LUC7L: variants seen among roughly 807,000 people sequenced by gnomAD.
The protein encoded by LUC7L is putative RNA-binding protein Luc7-like 1.
In LUC7L, 29 loss-of-function variants were observed where a neutral mutation model predicts 51.1. That is an observed-to-expected ratio of 0.57 (90% CI 0.42 to 0.77). The LOEUF is 0.77. Among genes scored for constraint, LUC7L ranks in the 30% least tolerant of loss-of-function variants. The probability of loss-of-function intolerance (pLI) is 0.00; values close to 1 mark genes in which losing one functional copy is unlikely to be tolerated. For missense variants in LUC7L, 403 were observed against 511.9 expected (o/e 0.79, Z 2.05); for synonymous variants, 181 against 180.7 (o/e 1.00, Z -0.01).
intron 3 of LUC7L, among the ~76,000 whole-genome samples, chr16:212,247 C>T (rs893173638): frequency 2.0e-5 from 3 of 152,130 alleles, no homozygotes; most frequent in Admixed American, 6.6e-5. Context: ...GAGCTGAGAT[C>T]GTGCCATTGC....
Position 229,279 on chromosome 16 carries a change from C to A in LUC7L, c.61G>T (p.Gly21Ter). Residue 21 changes from glycine (G) to a stop codon, truncating the protein, a stop_gained and splice_region_variant, in exon 1 of 10, where the codon GGA (glycine) becomes TGA (stop). Transcript: ENST00000293872. LOFTEE classifies it high-confidence loss of function. ...LDQLMGTARD[G>*]DETRQRVKFT... The stretch of plus-strand genomic sequence containing the variant: ...CGCCTGGTTGGCCGCTCTGACTCAC[C>A]GTCCCGAGCCGTGCCCATGAGCTGG... 1 of 1,536,390 alleles carries A rather than the reference C, an allele frequency of 6.5e-7. No individual in the cohort carries two copies. The highest frequency in any genetic ancestry group is 8.7e-7 in the Non-Finnish European group (1 of 1,148,858).
chr16:214,963 C>T (rs1249054691), intron 3 of LUC7L, among the ~76,000 whole-genome samples: 3 of 151,880 alleles, frequency 2.0e-5, no homozygotes, highest in Non-Finnish European at 4.4e-5. Context: ...CCCAGAACTT[C>T]GAAGACTGAA....
At chr16:228,527 A>C (rs1009043711) in intron 1 of LUC7L, 5 of 1,214,022 alleles carry the variant, frequency 4.1e-6, no homozygotes, top group Admixed American at 7.1e-5. Flanking sequence ...TATGAAATAA[A>C]GTGCAAATAA....
chr16:193,607 C>T (rs2049071030), intron 6 of LUC7L, among the ~76,000 whole-genome samples: 1 of 152,042 alleles, frequency 6.6e-6, no homozygotes. Flanking sequence ...AGCGATTCTT[C>T]TGCCTCAGCC....
chr16:221,186 ATTTTTTTTTTTTTT>A (rs372906826), intron 2 of LUC7L, among the ~76,000 whole-genome samples: 44 of 101,252 alleles, frequency 4.3e-4, no homozygotes, highest in Non-Finnish European at 5.8e-4. Context: ...CACCCAGCTA[ATTTTTTTTTTTTTT>A]TTTTTTTTTT....
At chr16:220,800 G>T in intron 2 of LUC7L, 53 bp from the exon 3 acceptor site, 1 of 1,151,348 alleles carries the variant, frequency 8.7e-7, no homozygotes, top group Non-Finnish European at 1.3e-6. Flanking sequence ...ACTGTAGAAA[G>T]CACACAACGC....
chr16:228,557 G>T, intron 1 of LUC7L: 1 of 1,198,482 alleles, frequency 8.3e-7, no homozygotes, highest in Non-Finnish European at 1.1e-6. Flanking sequence ...CCCTGAGAAT[G>T]TGCCAGTGTG....
At chr16:193,677 T>C (rs2142040396) in intron 6 of LUC7L, among the ~76,000 whole-genome samples, 1 of 152,056 alleles carries the variant, frequency 6.6e-6, no homozygotes, top group South Asian at 2.1e-4. Flanking sequence ...GTATGTTTAG[T>C]AGAGACGGGG....
chr16:209,853 A>T (rs2142081593), intron 3 of LUC7L: 1 of 152,312 alleles, frequency 6.6e-6, no homozygotes, highest in South Asian at 2.1e-4. Flanking sequence ...TTTCAAAAAC[A>T]TGCATACTTG....
At chr16:219,806 T>C (rs755605510) in intron 3 of LUC7L, among the ~76,000 whole-genome samples, 8 of 151,834 alleles carry the variant, frequency 5.3e-5, no homozygotes, top group African/African-American at 1.2e-4. Flanking sequence ...GAGGAGTAGG[T>C]TGCAGTGAGC....
At chr16:204,721 G>A (rs1470125881) in intron 5 of LUC7L, among the ~76,000 whole-genome samples, 2 of 152,122 alleles carry the variant, frequency 1.3e-5, no homozygotes, top group East Asian at 3.8e-4. Context: ...GTCTGAAATG[G>A]TAGCAACTGC....
chr16:228,835 C>G (rs757576725), intron 1 of LUC7L: 3 of 1,293,486 alleles, frequency 2.3e-6, no homozygotes, highest in Non-Finnish European at 3.0e-6. Context: ...GGTACAGAAC[C>G]AGAGCGGGCC....
At position 189,976 on chromosome 16, in the gene LUC7L, C is replaced by G. The variant is rs202135978; in HGVS notation, c.966G>C (p.Ala322=). The G allele has an allele frequency of 2.5e-6, 4 of 1,611,806 alleles. No individual in the cohort carries two copies. In the Admixed American group the frequency reaches 6.7e-5, roughly 27 times the overall value. ...GHRRASRDRS[A]KYKFSRERAS... ...GGAGTCAGAGTAGTTACTTGTATTT[C>G]GCACTTCGGTCCCGGGAAGCCCGAC... is the stretch of plus-strand genomic sequence containing the variant. Residue 322 remains alanine (A), a synonymous_variant, in exon 9 of 10, where the codon GCG becomes GCC. Transcript: ENST00000293872.
At chr16:220,909 A>C (rs1216736610) in intron 2 of LUC7L, among the ~76,000 whole-genome samples, 162 bp from the exon 3 acceptor site, 2 of 152,232 alleles carry the variant, frequency 1.3e-5, no homozygotes, top group African/African-American at 4.8e-5. Flanking sequence ...GAGAAGCCTC[A>C]TTTCACTTTT....
At chr16:204,658 T>C (rs1458436583) in intron 5 of LUC7L, among the ~76,000 whole-genome samples, 2 of 152,160 alleles carry the variant, frequency 1.3e-5, no homozygotes, top group South Asian at 2.1e-4. Flanking sequence ...AGTACTGTGC[T>C]GTACTGATCA....
intron 6 of LUC7L, among the ~76,000 whole-genome samples, chr16:197,291 G>A (rs550527420): frequency 9.2e-4 from 125 of 136,582 alleles, no homozygotes; most frequent in African/African-American, 3.4e-3. Flanking sequence ...TCAGCTCACT[G>A]CTACCTCTGC....
At chr16:212,114 A>T (rs1221895362) in intron 3 of LUC7L, among the ~76,000 whole-genome samples, 1 of 152,132 alleles carries the variant, frequency 6.6e-6, no homozygotes, top group East Asian at 1.9e-4. Context: ...ACCAACAAGG[A>T]GAAACCCCAT....
chr16:227,025 G>C, intron 2 of LUC7L, among the ~76,000 whole-genome samples: 1 of 152,146 alleles, frequency 6.6e-6, no homozygotes, highest in Admixed American at 6.6e-5. Flanking sequence ...AGTGAGCTGT[G>C]ATCACACCAC....
At chr16:189,661 A>G in intron 9 of LUC7L, 2 of 1,324,994 alleles carry the variant, frequency 1.5e-6, no homozygotes, top group Non-Finnish European at 9.6e-7. Context: ...ACAAAAACCA[A>G]AACAGAGGTA....
Sources: gnomAD v4.1 joint callset for allele counts (sites outside exome capture counted in the v4.1 genomes callset) on GRCh38, gnomAD v4.1.1 for gene constraint, MANE v1.5 for transcripts, NCBI Gene and HGNC (gene_info 2026-07-23, HGNC 2026-07-21) for gene names.